Variants in CASK observed in about 807,000 individuals in gnomAD.
CASK encodes peripheral plasma membrane protein CASK.
Under a neutral mutation model 82.9 loss-of-function variants are expected in CASK, and 4 were observed. The ratio of observed to expected loss-of-function variants is 0.05; its 90% CI spans 0.02 to 0.11. The LOEUF is 0.11. Ranked by LOEUF, CASK falls within the 10% of genes least tolerant of loss-of-function variation. The probability of loss-of-function intolerance (pLI) is 1.00; values close to 1 mark genes in which losing one functional copy is unlikely to be tolerated. For missense variants in CASK, 358 were observed against 720.9 expected (o/e 0.50, Z 5.76); for synonymous variants, 259 against 253.5 (o/e 1.02, Z -0.20).
rs760617835 is a variant in CASK at position 41,617,468 on chromosome X, A to T, written c.1033+5149T>A. ...AGAGTTTTTATTCCATTTCTCCTTC[A>T]TCTTTTCAAATGGAATAAATACATA... On this transcript the variant is annotated intron_variant, in intron 11 of 26. Coordinates refer to ENST00000378163, the MANE Select transcript of CASK (RefSeq NM_001367721.1). Among the ~76,000 whole-genome samples, 7 of 112,296 alleles carry T rather than the reference A, an allele frequency of 6.2e-5. No individual in the cohort carries two copies. The South Asian group carries it at 2.6e-3, about 41-fold the overall frequency.
chrX:41,823,774 A>G, intron 2 of CASK, among the ~76,000 whole-genome samples: 1 of 110,724 alleles, frequency 9.0e-6, no homozygotes, highest in East Asian at 2.8e-4. Context: ...CTTTCTTTAA[A>G]TTTAGGTGTT....
At chrX:41,613,244 G>C (rs1477101349) in intron 11 of CASK, among the ~76,000 whole-genome samples, 5 of 110,054 alleles carry the variant, frequency 4.5e-5, no homozygotes, top group Non-Finnish European at 9.5e-5. Flanking sequence ...TGTCTGTGTA[G>C]AAAGAAGTAG....
chrX:41,779,500 G>T (rs2069431049), intron 3 of CASK, among the ~76,000 whole-genome samples: 1 of 111,723 alleles, frequency 9.0e-6, no homozygotes, highest in East Asian at 2.8e-4. Flanking sequence ...AAGCCTGGGG[G>T]TGGTCTTGGG....
intron 5 of CASK, among the ~76,000 whole-genome samples, chrX:41,738,815 C>T (rs2068545702): frequency 9.0e-6 from 1 of 111,483 alleles, no homozygotes. Flanking sequence ...TTTGGCTTGA[C>T]ACCGTTAAAG....
At chrX:41,832,650 A>G (rs1353587254) in intron 2 of CASK, among the ~76,000 whole-genome samples, 2 of 112,678 alleles carry the variant, frequency 1.8e-5, no homozygotes, top group African/African-American at 6.4e-5. Flanking sequence ...CCTTAGGGAA[A>G]ATACAGGTTA....
chrX:41,896,019 G>A (rs1272563884), intron 1 of CASK, among the ~76,000 whole-genome samples: 1 of 111,426 alleles, frequency 9.0e-6, no homozygotes. Context: ...TTGAATCAGA[G>A]CCCCTGAACT....
intron 1 of CASK, among the ~76,000 whole-genome samples, chrX:41,862,542 GAAAAA>G (rs35462461): frequency 1.8e-4 from 6 of 32,863 alleles, no homozygotes; most frequent in Admixed American, 8.5e-4. Flanking sequence ...CTCTGTCTCA[GAAAAA>G]AAAAAAAAAA....
intron 9 of CASK, among the ~76,000 whole-genome samples, chrX:41,632,454 G>T (rs2066485064): frequency 8.9e-6 from 1 of 112,049 alleles, no homozygotes; most frequent in African/African-American, 3.2e-5. Flanking sequence ...AGAACTATCT[G>T]TGATGAAGGA....
intron 5 of CASK, among the ~76,000 whole-genome samples, chrX:41,703,258 TC>T (rs1163173018): frequency 8.9e-6 from 1 of 112,239 alleles, no homozygotes; most frequent in East Asian, 2.8e-4. Flanking sequence ...GTTAACATTT[TC>T]GTTTTACTTA....
intron 12 of CASK, among the ~76,000 whole-genome samples, chrX:41,597,869 T>G (rs1235548611): frequency 9.0e-6 from 1 of 110,969 alleles, no homozygotes; most frequent in Non-Finnish European, 1.9e-5. Context: ...CCAGGTGCAG[T>G]GGCTTGCATC....
At chrX:41,917,714 C>A (rs767977093) in intron 1 of CASK, among the ~76,000 whole-genome samples, 1 of 111,993 alleles carries the variant, frequency 8.9e-6, no homozygotes, top group African/African-American at 3.2e-5. Flanking sequence ...ATGAAGACAA[C>A]TTCAAACAAC....
At chrX:41,706,531 C>A (rs1166894995) in intron 5 of CASK, among the ~76,000 whole-genome samples, 6 of 111,412 alleles carry the variant, frequency 5.4e-5, no homozygotes, top group African/African-American at 2.0e-4. Context: ...GACTTTTCTT[C>A]TGGTTTTATT....
chrX:41,639,888 C>A (rs1393157838), intron 8 of CASK, among the ~76,000 whole-genome samples: 2 of 111,592 alleles, frequency 1.8e-5, no homozygotes, highest in Non-Finnish European at 3.8e-5. Flanking sequence ...TGAATCTATC[C>A]ATGTTGTTGC....
intron 1 of CASK, among the ~76,000 whole-genome samples, chrX:41,857,142 G>A (rs1171067896): frequency 9.0e-6 from 1 of 110,887 alleles, no homozygotes; most frequent in Non-Finnish European, 1.9e-5. Flanking sequence ...TCAGCTTTGA[G>A]GCCCTCTATT....
At chrX:41,804,085 T>C (rs770681734) in intron 2 of CASK, among the ~76,000 whole-genome samples, 58 of 111,834 alleles carry the variant, frequency 5.2e-4, no homozygotes, top group African/African-American at 1.6e-3. Context: ...CGGTGACTCA[T>C]GCCCACAATC....
chrX:41,680,465 A>G (rs965883936), intron 5 of CASK, among the ~76,000 whole-genome samples: 1 of 109,762 alleles, frequency 9.1e-6, no homozygotes, highest in African/African-American at 3.3e-5. Flanking sequence ...CTGGCGACAA[A>G]GCGAGACTCT....
At chrX:41,716,382 T>C (rs1439281170) in intron 5 of CASK, among the ~76,000 whole-genome samples, 2 of 112,640 alleles carry the variant, frequency 1.8e-5, no homozygotes, top group African/African-American at 6.5e-5. Context: ...TTCGCAAGTG[T>C]GTGCTCACAT....
At chrX:41,566,611 C>T (rs774462490) in intron 16 of CASK, among the ~76,000 whole-genome samples, 2 of 111,916 alleles carry the variant, frequency 1.8e-5, no homozygotes, top group African/African-American at 6.5e-5. Context: ...GAAGAATATT[C>T]CATGCTCATG....
chrX:41,688,639 T>C (rs1370239128), intron 5 of CASK, among the ~76,000 whole-genome samples: 2 of 112,043 alleles, frequency 1.8e-5, no homozygotes, highest in Non-Finnish European at 3.8e-5. Flanking sequence ...AATTCAGTGC[T>C]TGTGCTTTGA....
Sources: gnomAD v4.1 joint callset for allele counts (sites outside exome capture counted in the v4.1 genomes callset) on GRCh38, gnomAD v4.1.1 for gene constraint, MANE v1.5 for transcripts, NCBI Gene and HGNC (gene_info 2026-07-23, HGNC 2026-07-21) for gene names.